ARHGAP23: variants seen among roughly 807,000 people sequenced by gnomAD.
ARHGAP23 encodes rho GTPase-activating protein 23.
A neutral mutation model predicts 136.3 loss-of-function variants in ARHGAP23; 34 were observed. The ratio of observed to expected loss-of-function variants is 0.25; its 90% CI spans 0.19 to 0.33. The LOEUF is 0.33. Among genes scored for constraint, ARHGAP23 ranks in the 10% least tolerant of loss-of-function variants. ARHGAP23 has a pLI of 1.00. For synonymous variants in ARHGAP23, 832 were observed against 920.5 expected (o/e 0.90, Z 1.74); for missense variants, 1,808 against 2,139.0 (o/e 0.85, Z 3.05).
intron 1 of ARHGAP23, among the ~76,000 whole-genome samples, chr17:38,434,045 G>A (rs1055343507): frequency 6.6e-6 from 1 of 152,062 alleles, no homozygotes; most frequent in Non-Finnish European, 1.5e-5. Flanking sequence ...GGCTGGTCTC[G>A]AACTCCTGAC....
At position 38,466,835 on chromosome 17, in the gene ARHGAP23, T is replaced by G; in HGVS notation, c.1152T>G (p.Arg384=). The change falls in exon 7 of 24, where the codon CGT becomes CGG. Residue 384 remains arginine, a synonymous_variant. Coordinates refer to ENST00000622683, the MANE Select transcript of ARHGAP23 (RefSeq NM_001199417.2). ...RFERCGWASQ[R]SSARTPACPT... The stretch of plus-strand genomic sequence containing the variant: ...AGCGGTGTGGCTGGGCTTCCCAGCG[T>G]TCGTCTGCCCGCACCCCCGCCTGCC... 1 of 1,548,726 alleles carries G rather than the reference T, an allele frequency of 6.5e-7. No individual in the cohort carries two copies. The highest frequency in any genetic ancestry group is 8.7e-7 in the Non-Finnish European group (1 of 1,146,522).
At position 38,479,431 on chromosome 17, in the gene ARHGAP23, T is replaced by C; in HGVS notation, c.2437-5T>C. 6.5e-7 allele frequency: 1 copy of C among 1,542,914 alleles called. No homozygotes were observed. The highest frequency in any genetic ancestry group is 1.2e-5 in the South Asian group (1 of 83,812). Reference sequence around the variant, plus strand: ...CATGATCCGCTCTCTCCTCTCCTGCTTCAGGACCCCGGCTGTGCCAACCAA... The same window carrying C: ...CATGATCCGCTCTCTCCTCTCCTGCCTCAGGACCCCGGCTGTGCCAACCAA... On this transcript the variant is annotated splice_polypyrimidine_tract_variant and splice_region_variant and intron_variant, in intron 12 of 23. Coordinates refer to ENST00000622683, the MANE Select transcript of ARHGAP23 (RefSeq NM_001199417.2).
Position 38,439,795 on chromosome 17 carries a change from G to A in ARHGAP23, c.63+11247G>A, listed in dbSNP as rs1348392563. Among the ~76,000 whole-genome samples, 3 of 149,386 alleles carry A rather than the reference G, an allele frequency of 2.0e-5. No individual in the cohort carries two copies. The South Asian group carries it at 6.4e-4, about 32-fold the overall frequency. ...TTAGGAACTTTTTTTTTTTTTTTGA[G>A]ACCAAGTCTTGCTCTGTCACCCAGG... On this transcript the variant is annotated intron_variant, in intron 1 of 23. Coordinates refer to ENST00000622683, the MANE Select transcript of ARHGAP23 (RefSeq NM_001199417.2).
At position 38,430,149 on chromosome 17, in the gene ARHGAP23, G is replaced by A. The variant is rs2038654499; in HGVS notation, c.63+1601G>A. Among the ~76,000 whole-genome samples the A allele has an allele frequency of 1.3e-5, 2 of 152,102 alleles. 1 individual carries two copies. Among genetic ancestry groups the A allele is most frequent in the South Asian group, 4.1e-4 (2 of 4,824 alleles). On this transcript the variant is annotated intron_variant, in intron 1 of 23. Coordinates refer to ENST00000622683, the MANE Select transcript of ARHGAP23 (RefSeq NM_001199417.2). ...CTCTACATTCAGTGCTGGATTCAAA[G>A]GCCTCAATAATAATAAACAGGAAGA...
At position 38,428,481 on chromosome 17, in the gene ARHGAP23, A is replaced by C; in HGVS notation, c.-5A>C. On this transcript the variant is annotated 5_prime_UTR_variant, in exon 1 of 24. Transcript: ENST00000622683. ...CCCCGGCCGCAGAGCCGCCGCTGCCACCCGATGAATGGAGTCGCCTTCTGC... is the reference window on the plus strand; with the variant it reads ...CCCCGGCCGCAGAGCCGCCGCTGCCCCCCGATGAATGGAGTCGCCTTCTGC... 7.0e-7 allele frequency: 1 copy of C among 1,438,010 alleles called. No individual in the cohort carries two copies. The highest frequency in any genetic ancestry group is 1.5e-5 in the African/African-American group (1 of 67,706). The allele number at this position is 1,438,010 out of a possible 1,614,324, so 89.1% of individuals were successfully genotyped here.
rs56830471 is a variant in ARHGAP23 at position 38,507,276 on chromosome 17, A to AAATAAT, written c.3448-2643_3448-2638dup. Among the ~76,000 whole-genome samples the AAATAAT allele has an allele frequency of 9.4e-3, 1,287 of 136,658 alleles. 10 individuals carry two copies. The highest frequency in any genetic ancestry group is 0.025 in the Middle Eastern group (7 of 276). 89.7% of individuals were successfully genotyped at this position (136,658 alleles called of 152,430 possible). A position where few individuals can be genotyped will look rare whatever the true frequency, so the allele number is the denominator to read the frequency against. ...GGTGACAGAGGGAGACTCCGTCTCA[A>AAATAAT]AATAATAATAATAATAATAATAATA... On this transcript the variant is annotated intron_variant, in intron 23 of 23. Transcript: ENST00000622683.
intron 2 of ARHGAP23, among the ~76,000 whole-genome samples, chr17:38,460,046 T>C (rs1482770399): frequency 1.3e-5 from 2 of 152,190 alleles, no homozygotes; most frequent in East Asian, 1.9e-4. Context: ...GTGGAGAGGG[T>C]TAGAAGAGAT....
chr17:38,480,001 G>A, intron 14 of ARHGAP23, 118 bp downstream of exon 14: 1 of 1,395,724 alleles, frequency 7.2e-7, no homozygotes, highest in South Asian at 1.4e-5. Flanking sequence ...GTGTGCCAGG[G>A]CTACCGGTAT....
rs752560672 is a variant in ARHGAP23, at chr17:38,467,109, C to G, written c.1426C>G (p.Arg476Gly). ...GGTTGTACGGCCGGAACCCAGCACC[C>G]GGGCCCTGGAGCCTCCTGCGGAGGA... Reference protein sequence around the residue: ...PRVVRPEPSTRALEPPAEDRG... With the variant: ...PRVVRPEPSTGALEPPAEDRG... Residue 476 changes from arginine (R) to glycine (G), a missense_variant, in exon 7 of 24, where the codon CGG becomes GGG. Physicochemically the swap from Arg to Gly is moderately radical, Grantham distance 125 (BLOSUM62 -2). Coordinates refer to ENST00000622683, the MANE Select transcript of ARHGAP23 (RefSeq NM_001199417.2). 8.4e-6 allele frequency: 13 copies of G among 1,550,410 alleles called. No homozygotes were observed. Among genetic ancestry groups the G allele is most frequent in the Middle Eastern group, 1.7e-4 (1 of 5,988 alleles).
At chr17:38,479,525 T>C in intron 13 of ARHGAP23, 28 bp downstream of exon 13, 1 of 1,543,068 alleles carries the variant, frequency 6.5e-7, no homozygotes, top group Non-Finnish European at 8.8e-7. Flanking sequence ...TGGAGCAGTC[T>C]CCTCTGTGGG....
chr17:38,508,370 G>A (rs2040680294), intron 23 of ARHGAP23, among the ~76,000 whole-genome samples: 2 of 152,064 alleles, frequency 1.3e-5, no homozygotes, highest in African/African-American at 4.8e-5. Flanking sequence ...GGTTGGTAGG[G>A]CTGTATTTCC....
chr17:38,486,421 G>A (rs998163169), intron 17 of ARHGAP23, among the ~76,000 whole-genome samples: 6 of 151,944 alleles, frequency 3.9e-5, no homozygotes, highest in Middle Eastern at 3.4e-3. Flanking sequence ...CAGAGATGGG[G>A]GGAGTTTCTC....
At chr17:38,445,493 T>A (rs959790724) in intron 1 of ARHGAP23, among the ~76,000 whole-genome samples, 2 of 151,764 alleles carry the variant, frequency 1.3e-5, no homozygotes, top group Non-Finnish European at 2.9e-5. Context: ...TGAAAAAATA[T>A]ATATATATAA....
intron 11 of ARHGAP23, among the ~76,000 whole-genome samples, chr17:38,473,123 T>G (rs1478376552): frequency 1.6e-5 from 2 of 126,458 alleles, no homozygotes; most frequent in Admixed American, 8.2e-5. Context: ...TTTTTTTTTT[T>G]GTATTTTTTT....
chr17:38,445,354 G>A (rs998863610), intron 1 of ARHGAP23, among the ~76,000 whole-genome samples: 6 of 149,110 alleles, frequency 4.0e-5, no homozygotes, highest in African/African-American at 1.5e-4. Flanking sequence ...GCTCGCATCT[G>A]TAGTCCCAGC....
In ARHGAP23 at chr17:38,477,789, C is replaced by A. The variant is rs1481373484; in HGVS notation, c.2329C>A (p.Arg777=). 6.5e-7 allele frequency: 1 copy of A among 1,549,882 alleles called. No homozygotes were observed. Among genetic ancestry groups the A allele is most frequent in the South Asian group, 1.2e-5 (1 of 84,034 alleles). Residue 777 remains arginine, a synonymous_variant, in exon 12 of 24, where the codon CGG becomes AGG. Transcript: ENST00000622683. The surrounding 1 kb of genome is among the most constrained non-coding windows in gnomAD (Gnocchi z 6.6). The stretch of plus-strand genomic sequence containing the variant: ...CGAGACCAAGAGGAGGCACGTGTTC[C>A]GGCTGACCACCGCTGACTTCTGTGA... ...YSETKRRHVF[R]LTTADFCEYL...
intron 7 of ARHGAP23, among the ~76,000 whole-genome samples, chr17:38,468,383 TGA>T (rs141158601): frequency 0.041 from 6,224 of 150,680 alleles, 142 homozygotes; most frequent in Middle Eastern, 0.082. Flanking sequence ...GTGTTGGGAG[TGA>T]GAGGGGGACA....
chr17:38,465,318 C>CTG lies in ARHGAP23; in HGVS notation c.484-835_484-834dup, dbSNP rs35024067. On this transcript the variant is annotated intron_variant, in intron 6 of 23. Transcript: ENST00000622683. ...TTTGTGTGTGTTTCATTGTGTTCTA[C>CTG]TGTGTGTGTGTGTGTCTCTGGGTGT... is the stretch of plus-strand genomic sequence containing the variant. Among the ~76,000 whole-genome samples the CTG allele has an allele frequency of 4.6e-5, 7 of 151,714 alleles. No homozygotes were observed. In the East Asian group the frequency reaches 5.8e-4, roughly 13 times the overall value.
chr17:38,431,309 G>A (rs1356704572), intron 1 of ARHGAP23, among the ~76,000 whole-genome samples: 2 of 152,176 alleles, frequency 1.3e-5, no homozygotes, highest in Non-Finnish European at 2.9e-5. Context: ...GCCAGGGCTC[G>A]GTTCACTGGT....
Sources: allele counts gnomAD v4.1 joint callset (sites outside exome capture counted in the v4.1 genomes callset), GRCh38; gene constraint gnomAD v4.1.1; non-coding constraint Gnocchi (gnomAD v3.1); transcripts MANE v1.5; gene names NCBI Gene and HGNC (gene_info 2026-07-23, HGNC 2026-07-21).